USH1C: variants seen among roughly 807,000 people sequenced by gnomAD.
The protein encoded by USH1C is USH1 protein network component harmonin, also known as harmonin.
In USH1C, 90 loss-of-function variants were observed where a neutral mutation model predicts 119.3. That is an observed-to-expected ratio of 0.75 (90% CI 0.64 to 0.90). The LOEUF is 0.90. USH1C is among the 40% of genes least tolerant of loss of function. The pLI, the probability that USH1C is intolerant of heterozygous loss-of-function variation, is 0.00. For synonymous variants in USH1C, 465 were observed against 443.3 expected, an observed-to-expected ratio of 1.05 and a Z score of -0.62; for missense variants, 1,165 against 1,167.7, an observed-to-expected ratio of 1.00 and a Z score of 0.03.
chr11:17,524,607 A>C, intron 8 of USH1C, 72 bp from the exon 9 acceptor site: 14 of 1,514,554 alleles, frequency 9.2e-6, no homozygotes, highest in African/African-American at 1.4e-5. Flanking sequence ...CAGGTCACTC[A>C]TGAGCTGAGG....
chr11:17,523,867 G>T (rs181979123), intron 9 of USH1C, among the ~76,000 whole-genome samples: 1 of 152,320 alleles, frequency 6.6e-6, no homozygotes, highest in East Asian at 1.9e-4. Flanking sequence ...CTTACAATGT[G>T]CTTGGCACAG....
chr11:17,540,130 CTTCTT>C (rs1851400221), intron 1 of USH1C, among the ~76,000 whole-genome samples: 1 of 152,168 alleles, frequency 6.6e-6, no homozygotes, highest in Non-Finnish European at 1.5e-5. Flanking sequence ...CCACACCTGA[CTTCTT>C]TTCTTTTTCT....
chr11:17,520,307 C>G (rs60737303), intron 14 of USH1C, among the ~76,000 whole-genome samples: 1,957 of 152,220 alleles, frequency 0.013, 45 homozygotes, highest in African/African-American at 0.045. Flanking sequence ...GACAGCACAG[C>G]CACAGCCCAT....
chr11:17,535,761 A>T (rs1244923660), intron 1 of USH1C, among the ~76,000 whole-genome samples: 1 of 152,122 alleles, frequency 6.6e-6, no homozygotes, highest in Non-Finnish European at 1.5e-5. Flanking sequence ...CATGGGCTTT[A>T]TTCCATTTGT....
At chr11:17,498,074 A>G in intron 24 of USH1C, 88 bp downstream of exon 24, 1 of 1,195,224 alleles carries the variant, frequency 8.4e-7, no homozygotes, top group Non-Finnish European at 1.2e-6. Context: ...CCCTGGAATG[A>G]GGCATCCTAT....
intron 22 of USH1C, 29 bp downstream of exon 22, chr11:17,501,453 G>C: frequency 6.2e-7 from 1 of 1,608,552 alleles, no homozygotes; most frequent in Non-Finnish European, 8.5e-7. Flanking sequence ...GAGGGATGGC[G>C]GCCCACCGGC....
chr11:17,494,655 A>G (rs1037752122), intron 26 of USH1C: 16 of 522,662 alleles, frequency 3.1e-5, no homozygotes, highest in Admixed American at 9.5e-5. Flanking sequence ...GGCAAGTAAC[A>G]GAAAACATAG....
intron 14 of USH1C, among the ~76,000 whole-genome samples, chr11:17,518,310 A>G (rs1850249037): frequency 6.6e-6 from 1 of 152,306 alleles, no homozygotes; most frequent in Middle Eastern, 3.4e-3. Context: ...TAGGAAAATA[A>G]CCTCAACTTC....
In USH1C at chr11:17,506,527, T is replaced by C. The variant is rs1331566821; in HGVS notation, c.2014-578A>G. Among the ~76,000 whole-genome samples, 5 of 152,318 alleles carry C rather than the reference T, an allele frequency of 3.3e-5. No individual in the cohort carries two copies. In the South Asian group the frequency reaches 1.0e-3, roughly 32 times the overall value. ...CCCAAACCCTCCCCAGTGTCCGCAT[T>C]GACTACTGAGCTCATTGGCTTGACT... On this transcript the variant is annotated intron_variant, in intron 18 of 26. Coordinates refer to ENST00000005226, the MANE Select transcript of USH1C (RefSeq NM_153676.4).
intron 1 of USH1C, among the ~76,000 whole-genome samples, chr11:17,543,559 C>G (rs61880352): frequency 1.3e-5 from 2 of 152,200 alleles, no homozygotes; most frequent in Non-Finnish European, 2.9e-5. Flanking sequence ...TCGAAATGCC[C>G]TGTGTGAAAC....
intron 14 of USH1C, among the ~76,000 whole-genome samples, chr11:17,519,720 T>C (rs1167902624): frequency 6.6e-6 from 1 of 152,214 alleles, no homozygotes; most frequent in Non-Finnish European, 1.5e-5. Flanking sequence ...GCTTTGTCCT[T>C]CTGAGAGGAC....
In USH1C at chr11:17,505,933, G is replaced by A. The variant is rs749424126; in HGVS notation, c.2030C>T (p.Pro677Leu). 5 of 1,614,212 alleles carry A rather than the reference G, an allele frequency of 3.1e-6. No individual in the cohort carries two copies. In the Admixed American group the frequency reaches 6.7e-5, roughly 22 times the overall value. Residue 677 changes from proline to leucine, a missense_variant, in exon 19 of 27, where the codon CCA becomes CTA. Physicochemically the swap from Pro to Leu is moderately conservative, Grantham distance 98. Transcript: ENST00000005226. ...PPTPKTFCPS[P>L]QPPRGPGVST... The stretch of plus-strand genomic sequence containing the variant: ...CACGCCAGGGCCTCGTGGAGGCTGT[G>A]GGCTTGGGCAAAATGTCTAAGGAGT...
rs113862877 is a variant in USH1C at position 17,526,484 on chromosome 11, G to A, written c.580-43C>T. The A allele has an allele frequency of 1.7e-4, 268 of 1,558,124 alleles. 1 individual carries two copies. The African/African-American group carries it at 2.6e-3, about 15-fold the overall frequency. On this transcript the variant is annotated intron_variant, in intron 7 of 26. Coordinates refer to ENST00000005226, the MANE Select transcript of USH1C (RefSeq NM_153676.4). ...GCAGAATCACGGAGTGTCCACATGC[G>A]TGCAAGCGGCCTCTTGAGCTTGTGG...
intron 8 of USH1C, 40 bp from the exon 9 acceptor site, chr11:17,524,575 C>T (rs746984046): frequency 6.4e-7 from 1 of 1,550,484 alleles, no homozygotes. Context: ...ATTCAGGTAA[C>T]CCATGTCCAG....
chr11:17,523,246 T>G lies in USH1C; in HGVS notation c.841A>C (p.Ser281Arg), dbSNP rs112891356. The change falls in exon 11 of 27, where the codon AGC becomes CGC. Residue 281 changes from serine to arginine, a missense_variant. Coordinates refer to ENST00000005226, the MANE Select transcript of USH1C (RefSeq NM_153676.4). ...HKEAVNVLKSSRSLTISIVAA... is the reference protein window; with the variant it reads ...HKEAVNVLKSRRSLTISIVAA... Reference sequence around the variant, plus strand: ...ACAATGGAGATGGTCAGGCTGCGGCTACTCTTCAGCACATTTACAGCCTGT... The same window carrying G: ...ACAATGGAGATGGTCAGGCTGCGGCGACTCTTCAGCACATTTACAGCCTGT... The G allele has an allele frequency of 3.7e-6, 6 of 1,614,164 alleles. No individual in the cohort carries two copies. Among genetic ancestry groups the G allele is most frequent in the Non-Finnish European group, 8.5e-7 (1 of 1,180,020 alleles).
intron 16 of USH1C, 33 bp from the exon 17 acceptor site, chr11:17,510,554 A>T: frequency 6.7e-7 from 1 of 1,486,416 alleles, no homozygotes; most frequent in South Asian, 1.1e-5. Context: ...AAAGGAGAGG[A>T]CAAAGGGCAC....
rs115116688 is a variant in USH1C at position 17,513,108 on chromosome 11, C to T, written c.1261-1054G>A. Among the ~76,000 whole-genome samples, 217 of 152,326 alleles carry T rather than the reference C, an allele frequency of 1.4e-3. 1 individual carries two copies. Among genetic ancestry groups the T allele is most frequent in the African/African-American group, 4.7e-3 (195 of 41,584 alleles). On this transcript the variant is annotated intron_variant, in intron 15 of 26. Transcript: ENST00000005226. Reference sequence around the variant, plus strand: ...GTAAAGTCCCTTGTTCAATGTCAGACATCTTGTAACTGATAGTACCAGGAT... The same window carrying T: ...GTAAAGTCCCTTGTTCAATGTCAGATATCTTGTAACTGATAGTACCAGGAT...
chr11:17,511,270 C>A lies in USH1C; in HGVS notation c.1413+632G>T, dbSNP rs537392100. 5.9e-5 allele frequency among the ~76,000 whole-genome samples: 9 copies of A among 152,172 alleles called. No homozygotes were observed. The South Asian group carries it at 1.9e-3, about 32-fold the overall frequency. On this transcript the variant is annotated intron_variant, in intron 16 of 26. Coordinates refer to ENST00000005226, the MANE Select transcript of USH1C (RefSeq NM_153676.4). ...ATAGCCTGATTAATTGGGAGATAAC[C>A]TCGCACCTACCACCTGCATAAGGGG...
At position 17,509,473 on chromosome 11, in the gene USH1C, G is replaced by A. The variant is rs1476715971; in HGVS notation, c.1896C>T (p.Asn632=). 1 of 1,605,190 alleles carries A rather than the reference G, an allele frequency of 6.2e-7. No individual in the cohort carries two copies. The highest frequency in any genetic ancestry group is 1.4e-5 in the African/African-American group (1 of 73,974). The change falls in exon 18 of 27, where the codon AAC becomes AAT. Residue 632 remains asparagine, a synonymous_variant. Transcript: ENST00000005226. ...LPSALEEALS[N]HPFRTGDTGN... is the part of the protein sequence containing the mutation. The stretch of plus-strand genomic sequence containing the variant: ...CTGTGTCCCCAGTGCGGAAGGGATG[G>A]TTGCTCAGTGCTTCTTCCAGCGCCG...
Sources: gnomAD v4.1 joint callset for allele counts (sites outside exome capture counted in the v4.1 genomes callset) on GRCh38, gnomAD v4.1.1 for gene constraint, MANE v1.5 for transcripts, NCBI Gene and HGNC (gene_info 2026-07-23, HGNC 2026-07-21) for gene names.